The following ITGA8 variants were observed in gnomAD, a reference collection of about 807,000 sequenced individuals.
ITGA8 encodes integrin subunit alpha 8, also known as integrin alpha-8.
A neutral mutation model predicts 142.3 loss-of-function variants in ITGA8; 91 were observed. The ratio of observed to expected loss-of-function variants is 0.64; its 90% CI spans 0.54 to 0.76. ITGA8 has a LOEUF of 0.76. Ranked by LOEUF, ITGA8 falls within the 30% of genes least tolerant of loss-of-function variation. The pLI, the probability that ITGA8 is intolerant of heterozygous loss-of-function variation, is 0.00. For synonymous variants in ITGA8, 505 were observed against 485.2 expected (o/e 1.04, Z -0.54); for missense variants, 1,406 against 1,327.7 (o/e 1.06, Z -0.92).
chr10:15,560,242 G>C (rs1033082579), intron 25 of ITGA8, among the ~76,000 whole-genome samples: 4 of 152,048 alleles, frequency 2.6e-5, no homozygotes, highest in African/African-American at 9.7e-5. Context: ...TCATGCCACT[G>C]AATTCTCAGC....
Position 15,516,994 on chromosome 10 carries a change from A to G in ITGA8, c.*164T>C, listed in dbSNP as rs771808313. ...CAGGGCTCACTGGGCACCCAGGACA[A>G]TTTCTCCAAAGTGCGGTGTAGATGA... On this transcript the variant is annotated 3_prime_UTR_variant, in exon 30 of 30. Coordinates refer to ENST00000378076, the MANE Select transcript of ITGA8 (RefSeq NM_003638.3). 2 of 490,098 alleles carry G rather than the reference A, an allele frequency of 4.1e-6. No individual in the cohort carries two copies. The highest frequency in any genetic ancestry group is 7.2e-6 in the Non-Finnish European group (2 of 278,772). The allele number at this position is 490,098 out of a possible 1,614,324, so 30.4% of individuals were successfully genotyped here.
chr10:15,641,842 G>A (rs1180566794), intron 13 of ITGA8, among the ~76,000 whole-genome samples: 1 of 152,138 alleles, frequency 6.6e-6, no homozygotes, highest in Non-Finnish European at 1.5e-5. Flanking sequence ...ATAATTAAGA[G>A]GTAATCGGCT....
chr10:15,658,935 T>A (rs551705742), intron 10 of ITGA8, 64 bp downstream of exon 10: 12 of 1,052,112 alleles, frequency 1.1e-5, no homozygotes, highest in Non-Finnish European at 1.6e-5. Context: ...ATAACTGATA[T>A]GAATATTATA....
intron 16 of ITGA8, 38 bp downstream of exon 16, chr10:15,608,197 A>T (rs148905059): frequency 7.0e-7 from 1 of 1,435,546 alleles, no homozygotes. Context: ...CAACTTTCTT[A>T]GTATACCATA....
In ITGA8 at chr10:15,608,275, T is replaced by C. The variant is rs147340964; in HGVS notation, c.1569A>G (p.Val523=). Reference sequence around the variant, plus strand: ...TGCTCTGGCCTGTGACAGATGCACATACTCTTAAAGAAAAGCTATAGAAAA... The same window carrying C: ...TGCTCTGGCCTGTGACAGATGCACACACTCTTAAAGAAAAGCTATAGAAAA... ...MTSAACFSLR[V]CASVTGQSIA... is the part of the protein sequence containing the mutation. The change falls in exon 16 of 30, where the codon GTA becomes GTG. Residue 523 remains valine (V), a synonymous_variant. Transcript: ENST00000378076. The C allele has an allele frequency of 3.5e-5, 56 of 1,593,350 alleles. No individual in the cohort carries two copies. Among genetic ancestry groups the C allele is most frequent in the South Asian group, 2.5e-4 (22 of 87,300 alleles).
intron 2 of ITGA8, among the ~76,000 whole-genome samples, chr10:15,696,583 A>G (rs1327811241): frequency 1.3e-5 from 2 of 152,120 alleles, no homozygotes; most frequent in African/African-American, 2.4e-5. Context: ...AATTAATAAC[A>G]TTTGCTCTAC....
At chr10:15,690,984 A>C (rs1834923204) in intron 2 of ITGA8, among the ~76,000 whole-genome samples, 1 of 152,208 alleles carries the variant, frequency 6.6e-6, no homozygotes, top group Admixed American at 6.5e-5. Flanking sequence ...TACATAAGGA[A>C]CTCAACAGCA....
At chr10:15,664,042 T>C (rs909694671) in intron 8 of ITGA8, among the ~76,000 whole-genome samples, 3 of 152,216 alleles carry the variant, frequency 2.0e-5, no homozygotes, top group African/African-American at 7.2e-5. Context: ...AACAGCACTT[T>C]TTAGATATCA....
chr10:15,678,754 A>C lies in ITGA8; in HGVS notation c.598T>G (p.Cys200Gly). ...AAATCCAGACTAAATCCTGCTTGGC[A>C]GTAACCCTGGCCTTCCGGATCAGCA... ...SNADPEGQGY[C>G]QAGFSLDFYK... is the part of the protein sequence containing the mutation. Residue 200 changes from cysteine to glycine, a missense_variant, in exon 5 of 30, where the codon TGC becomes GGC. Coordinates refer to ENST00000378076, the MANE Select transcript of ITGA8 (RefSeq NM_003638.3). The C allele has an allele frequency of 6.2e-7, 1 of 1,610,978 alleles. No homozygotes were observed. The highest frequency in any genetic ancestry group is 8.5e-7 in the Non-Finnish European group (1 of 1,177,448).
chr10:15,527,523 C>T (rs886073494), intron 28 of ITGA8, among the ~76,000 whole-genome samples: 4 of 152,124 alleles, frequency 2.6e-5, no homozygotes, highest in Admixed American at 6.5e-5. Flanking sequence ...TGCACTGTAA[C>T]GATTCAGTGT....
intron 2 of ITGA8, among the ~76,000 whole-genome samples, chr10:15,711,642 C>A (rs1835365573): frequency 6.6e-6 from 1 of 151,656 alleles, no homozygotes; most frequent in African/African-American, 2.4e-5. Flanking sequence ...ATAGAAAGTT[C>A]CATCAACCTC....
chr10:15,684,919 C>T (rs931772041), intron 3 of ITGA8, among the ~76,000 whole-genome samples: 10 of 152,266 alleles, frequency 6.6e-5, no homozygotes, highest in East Asian at 5.8e-4. Context: ...TGTTTTGTGA[C>T]GCCCCCTAGT....
intron 13 of ITGA8, among the ~76,000 whole-genome samples, chr10:15,635,003 CTTTTTTT>C (rs915334219): frequency 2.8e-5 from 3 of 107,234 alleles, no homozygotes; most frequent in Non-Finnish European, 3.9e-5. Context: ...TTCTTTCTTT[CTTTTTTT>C]TTTTTTTTTT....
rs1046254552 is a variant in ITGA8 at position 15,719,900 on chromosome 10, C to G, written c.-129G>C. On this transcript the variant is annotated 5_prime_UTR_variant, in exon 1 of 30. Transcript: ENST00000378076. The stretch of plus-strand genomic sequence containing the variant: ...CCCGGGTCGGTGCGCTCGGCGCACC[C>G]GTGGTGACAGTGCCCGGCGTCTGCT... 2.8e-6 allele frequency: 2 copies of G among 703,546 alleles called. No individual in the cohort carries two copies. The highest frequency in any genetic ancestry group is 4.5e-4 in the Middle Eastern group (1 of 2,200). The allele number at this position is 703,546 out of a possible 1,614,324, so 43.6% of individuals were successfully genotyped here. A position where few individuals can be genotyped will look rare whatever the true frequency, so the allele number is the denominator to read the frequency against.
In ITGA8 at chr10:15,517,269, A is replaced by C; in HGVS notation, c.3106-25T>G. 3.3e-6 allele frequency: 5 copies of C among 1,496,600 alleles called. No individual in the cohort carries two copies. The South Asian group carries it at 4.8e-5, about 14-fold the overall frequency. 92.7% of individuals were successfully genotyped at this position (1,496,600 alleles called of 1,614,324 possible). A position where few individuals can be genotyped will look rare whatever the true frequency, so the allele number is the denominator to read the frequency against. On this transcript the variant is annotated intron_variant, in intron 29 of 29. Transcript: ENST00000378076. Reference sequence around the variant, plus strand: ...ACTATAAAGGGAAAGATGGGCTATAAAATCACGTCATTCTGGGAACCTGTG... The same window carrying C: ...ACTATAAAGGGAAAGATGGGCTATACAATCACGTCATTCTGGGAACCTGTG...
chr10:15,652,883 G>T (rs2131662488), intron 11 of ITGA8, among the ~76,000 whole-genome samples: 1 of 152,320 alleles, frequency 6.6e-6, no homozygotes, highest in South Asian at 2.1e-4. Context: ...ACCATCTAGA[G>T]CTGGTAGACA....
intron 12 of ITGA8, among the ~76,000 whole-genome samples, chr10:15,645,189 C>T (rs564129285): frequency 1.1e-4 from 17 of 150,656 alleles, no homozygotes; most frequent in Admixed American, 6.0e-4. Context: ...GGAACACTTT[C>T]GACACTTTCT....
At chr10:15,561,251 A>ATGTATATATATATATG in intron 25 of ITGA8, among the ~76,000 whole-genome samples, 1 of 143,416 alleles carries the variant, frequency 7.0e-6, no homozygotes, top group African/African-American at 2.6e-5. Flanking sequence ...ATATATATAT[A>ATGTATATATATATATG]TATGTATGTA....
chr10:15,606,484 G>A, intron 17 of ITGA8, 62 bp from the exon 18 acceptor site: 1 of 1,496,908 alleles, frequency 6.7e-7, no homozygotes, highest in South Asian at 1.2e-5. Flanking sequence ...ATGTCAGTCT[G>A]CAAAAGTCAG....
Sources: allele counts gnomAD v4.1 joint callset (sites outside exome capture counted in the v4.1 genomes callset), GRCh38; gene constraint gnomAD v4.1.1; transcripts MANE v1.5; gene names NCBI Gene and HGNC (gene_info 2026-07-23, HGNC 2026-07-21).